GSE1: variants seen among roughly 807,000 people sequenced by gnomAD.
GSE1 encodes genetic suppressor element 1.
In GSE1, 32 loss-of-function variants were observed where a neutral mutation model predicts 112.6. That is an observed-to-expected ratio of 0.28 (90% confidence interval 0.21 to 0.38). GSE1 has a LOEUF of 0.38. GSE1 is among the 10% of genes least tolerant of loss of function. The pLI is 1.00. For missense variants in GSE1, 2,348 were observed against 1,699.2 expected, an observed-to-expected ratio of 1.38 and a Z score of -6.71; for synonymous variants, 1,115 against 735.6, an observed-to-expected ratio of 1.52 and a Z score of -8.35.
chr16:85,304,125 C>T (rs1304881733), intron 1 of GSE1, among the ~76,000 whole-genome samples: 2 of 152,244 alleles, frequency 1.3e-5, no homozygotes, highest in African/African-American at 4.8e-5. Context: ...AGAATCGCTG[C>T]CCAGTGGCCT....
intron 2 of GSE1, among the ~76,000 whole-genome samples, chr16:85,634,444 T>C (rs2049817244): frequency 6.6e-6 from 1 of 152,082 alleles, no homozygotes; most frequent in Non-Finnish European, 1.5e-5. Context: ...GGAGGGTGGG[T>C]GCCCTGGACC....
At chr16:85,633,147 G>C (rs927254896) in intron 1 of GSE1, among the ~76,000 whole-genome samples, 2 of 152,228 alleles carry the variant, frequency 1.3e-5, no homozygotes, top group African/African-American at 4.8e-5. Context: ...GCGGTTTTCT[G>C]TTTTTAGCAT....
At chr16:85,502,710 G>A (rs1211914241) in intron 2 of GSE1, among the ~76,000 whole-genome samples, 1 of 152,218 alleles carries the variant, frequency 6.6e-6, no homozygotes, top group Non-Finnish European at 1.5e-5. Flanking sequence ...GGGAGCCTGG[G>A]GTCAAGTTCA....
chr16:85,359,359 C>T (rs1002766808), intron 2 of GSE1: 1 of 455,794 alleles, frequency 2.2e-6, no homozygotes, highest in African/African-American at 2.0e-5. Context: ...CAGAGCCCTG[C>T]CCCAGGAAAC....
intron 1 of GSE1, among the ~76,000 whole-genome samples, chr16:85,284,635 T>C (rs2044961822): frequency 6.6e-6 from 1 of 152,176 alleles, no homozygotes; most frequent in South Asian, 2.1e-4. Context: ...ACCTGCTAAC[T>C]GGATATTAAA....
At chr16:85,501,876 A>T (rs2051380363) in intron 2 of GSE1, among the ~76,000 whole-genome samples, 1 of 152,192 alleles carries the variant, frequency 6.6e-6, no homozygotes, top group Non-Finnish European at 1.5e-5. Flanking sequence ...TGCAGACTGG[A>T]TCTCCTTCAC....
chr16:85,664,819 G>C, intron 11 of GSE1, 196 bp from the exon 12 acceptor site: 4 of 581,942 alleles, frequency 6.9e-6, no homozygotes, highest in Non-Finnish European at 9.2e-6. Context: ...ACATTGTGTA[G>C]TGGATGCCGA....
intron 2 of GSE1, among the ~76,000 whole-genome samples, chr16:85,363,038 T>C (rs1444558062): frequency 6.6e-6 from 1 of 152,142 alleles, no homozygotes; most frequent in Non-Finnish European, 1.5e-5. Flanking sequence ...GGTTTCACCA[T>C]GTTGCCCAGG....
chr16:85,366,197 C>T (rs1241789421), intron 2 of GSE1, among the ~76,000 whole-genome samples: 1 of 152,280 alleles, frequency 6.6e-6, no homozygotes, highest in Admixed American at 6.5e-5. Flanking sequence ...GGCTCCGCTG[C>T]CGAGTGCTTT....
At chr16:85,189,363 T>G (rs948945767) in intron 1 of GSE1, among the ~76,000 whole-genome samples, 1 of 152,244 alleles carries the variant, frequency 6.6e-6, no homozygotes, top group African/African-American at 2.4e-5. Context: ...ATTTGAATTT[T>G]TACCCATTGA....
rs115265442 is a variant in GSE1, at chr16:85,364,271, C to T, written c.2464+6628C>T. The stretch of plus-strand genomic sequence containing the variant: ...CCCTGCTTCCGGGTGGCACCTCCTT[C>T]TCTCTCCTCTTCTCCTGCCCCCCTC... On this transcript the variant is annotated intron_variant, in intron 2 of 2. Transcript: ENST00000637419. Among the ~76,000 whole-genome samples the T allele has an allele frequency of 8.6e-3, 1,304 of 152,304 alleles. 21 individuals are homozygous for T. Among genetic ancestry groups the T allele is most frequent in the African/African-American group, 0.03 (1,239 of 41,562 alleles).
intron 2 of GSE1, among the ~76,000 whole-genome samples, chr16:85,638,265 G>A (rs1014910198): frequency 1.3e-5 from 2 of 152,226 alleles, no homozygotes; most frequent in Non-Finnish European, 2.9e-5. Context: ...GGGAAGGAGA[G>A]GAAGAGGAGG....
intron 1 of GSE1, among the ~76,000 whole-genome samples, chr16:85,627,422 C>G (rs961808447): frequency 6.6e-6 from 1 of 151,974 alleles, no homozygotes; most frequent in African/African-American, 2.4e-5. Context: ...GGTATGTCCC[C>G]TGGCCCCTCA....
chr16:85,603,576 C>T (rs2047560879), intron 1 of GSE1, among the ~76,000 whole-genome samples: 1 of 152,216 alleles, frequency 6.6e-6, no homozygotes, highest in Non-Finnish European at 1.5e-5. Context: ...TCATGGCTCA[C>T]TGCAGCCTCA....
At chr16:85,367,174 A>T (rs1355528320) in intron 2 of GSE1, among the ~76,000 whole-genome samples, 1 of 152,182 alleles carries the variant, frequency 6.6e-6, no homozygotes, top group East Asian at 1.9e-4. Flanking sequence ...ACGCGGTTTG[A>T]AGAGTGCCAC....
At chr16:85,527,143 T>G (rs1405902026) in intron 2 of GSE1, among the ~76,000 whole-genome samples, 1 of 152,180 alleles carries the variant, frequency 6.6e-6, no homozygotes, top group Admixed American at 6.5e-5. Flanking sequence ...CGGCCTGACT[T>G]GAAGCCCAGG....
In GSE1 at chr16:85,307,830, C is replaced by T. The variant is rs538457371; in HGVS notation, c.2284-49633C>T. ...GCCCTCAGGTAAACAAAGACACTCT[C>T]ATCAGGCGGGACTCTTCAAGGGCCT... On this transcript the variant is annotated intron_variant, in intron 1 of 2. Coordinates refer to the GSE1 transcript ENST00000637419. Among the ~76,000 whole-genome samples, 166 of 152,332 alleles carry T rather than the reference C, an allele frequency of 1.1e-3. 1 individual carries two copies. Among genetic ancestry groups the T allele is most frequent in the African/African-American group, 3.8e-3 (156 of 41,582 alleles).
intron 7 of GSE1, 25 bp downstream of exon 7, chr16:85,656,690 C>G: frequency 6.8e-7 from 1 of 1,476,274 alleles, no homozygotes; most frequent in South Asian, 1.4e-5. Flanking sequence ...GTGGGCTGTG[C>G]TGGGCAAGGT....
intron 2 of GSE1, among the ~76,000 whole-genome samples, chr16:85,473,548 C>G (rs559648900): frequency 1.3e-5 from 2 of 152,332 alleles, no homozygotes; most frequent in South Asian, 4.1e-4. Context: ...CTGGCTGCCA[C>G]GGTCCTTGGC....
Sources: allele counts gnomAD v4.1 joint callset (sites outside exome capture counted in the v4.1 genomes callset), GRCh38; gene constraint gnomAD v4.1.1; transcripts MANE v1.5; gene names NCBI Gene and HGNC (gene_info 2026-07-23, HGNC 2026-07-21).